USP26: variants seen among roughly 807,000 people sequenced by gnomAD.
USP26 encodes ubiquitin specific peptidase 26.
For missense variants in USP26, 649 were observed against 642.3 expected (o/e 1.01, Z -0.11); for synonymous variants, 236 against 240.6 (o/e 0.98, Z 0.18).
intron 5 of USP26, 136 bp downstream of exon 5, chrX:133,083,571 G>A (rs1484182507): frequency 9.0e-6 from 1 of 111,646 alleles, no homozygotes; most frequent in Admixed American, 9.5e-5. Context: ...ACCTTTGATG[G>A]ACAAGGCCTC....
At chrX:133,053,173 T>C (rs1176500046) in intron 5 of USP26, among the ~76,000 whole-genome samples, 1 of 112,044 alleles carries the variant, frequency 8.9e-6, no homozygotes, top group African/African-American at 3.2e-5. Context: ...ATGACATAAG[T>C]ATAATGTTAA....
chrX:133,047,174 C>T (rs1403688355), intron 5 of USP26, among the ~76,000 whole-genome samples: 1 of 111,891 alleles, frequency 8.9e-6, no homozygotes, highest in East Asian at 2.8e-4. Flanking sequence ...GAAGCCGTGA[C>T]CAGCCAAGCA....
At chrX:133,072,347 A>G (rs1397992217) in intron 5 of USP26, among the ~76,000 whole-genome samples, 1 of 112,241 alleles carries the variant, frequency 8.9e-6, no homozygotes, top group African/African-American at 3.2e-5. Flanking sequence ...AATGCACCAG[A>G]TGAGGAAAAG....
At chrX:133,033,658 GT>G (rs2067386033) in intron 5 of USP26, among the ~76,000 whole-genome samples, 1 of 112,158 alleles carries the variant, frequency 8.9e-6, no homozygotes, top group Admixed American at 9.4e-5. Flanking sequence ...GATAAATGAG[GT>G]TTTCTTGAAA....
intron 5 of USP26, among the ~76,000 whole-genome samples, chrX:133,055,904 C>T (rs1441960580): frequency 3.6e-5 from 4 of 111,560 alleles, no homozygotes; most frequent in Admixed American, 2.9e-4. Flanking sequence ...CTTTAATTAC[C>T]TCCTAAAAGC....
At chrX:133,065,620 A>G (rs1316186141) in intron 5 of USP26, among the ~76,000 whole-genome samples, 1 of 112,164 alleles carries the variant, frequency 8.9e-6, no homozygotes, top group Non-Finnish European at 1.9e-5. Context: ...ACCAATGACA[A>G]AAACCACATG....
At chrX:133,059,190 C>T (rs1224349831) in intron 5 of USP26, among the ~76,000 whole-genome samples, 6 of 111,226 alleles carry the variant, frequency 5.4e-5, no homozygotes, top group Non-Finnish European at 1.1e-4. Flanking sequence ...ATCCCCTCTC[C>T]TAGCATATTA....
chrX:133,027,387 C>T lies in USP26; in HGVS notation c.834G>A (p.Lys278=). The T allele has an allele frequency of 8.3e-7, 1 of 1,211,435 alleles. No homozygotes were observed. The highest frequency in any genetic ancestry group is 1.1e-6 in the Non-Finnish European group (1 of 895,297). ...CAAAAAATAGTTTTAATTTATCCCA[C>T]TTTGTGTAACCGTCACTATACCCTT... ...LQQGYSDGYT[K]WDKLKLFFEL... Residue 278 remains lysine, a synonymous_variant, in exon 6 of 6, where the codon AAG becomes AAA. Coordinates refer to ENST00000511190, the MANE Select transcript of USP26 (RefSeq NM_031907.3).
chrX:133,087,998 C>G (rs1349629495), intron 4 of USP26, among the ~76,000 whole-genome samples: 3 of 111,276 alleles, frequency 2.7e-5, no homozygotes, highest in Non-Finnish European at 5.7e-5. Flanking sequence ...AGGGACATCC[C>G]ATTTCAACAA....
chrX:133,096,837 A>G (rs1373804945), intron 1 of USP26, among the ~76,000 whole-genome samples, 193 bp downstream of exon 1: 5 of 111,752 alleles, frequency 4.5e-5, no homozygotes, highest in African/African-American at 1.3e-4. Context: ...GGAGGTTGCA[A>G]TGGGCCGAGA....
In USP26 at chrX:133,086,226, G is replaced by A. The variant is rs763381453; in HGVS notation, c.-141-2455C>T. ...TTGTGCTAAAGTGCTCAGTGAGCTT[G>A]CCATATTTGTGATTGTTTTTGAACT... On this transcript the variant is annotated intron_variant, in intron 4 of 5. Coordinates refer to ENST00000511190, the MANE Select transcript of USP26 (RefSeq NM_031907.3). 2.7e-5 allele frequency among the ~76,000 whole-genome samples: 3 copies of A among 112,308 alleles called. No homozygotes were observed. In the East Asian group the frequency reaches 8.4e-4, roughly 31 times the overall value.
chrX:133,090,633 G>A (rs765473855), intron 3 of USP26, 85 bp downstream of exon 3: 139 of 112,222 alleles, frequency 1.2e-3, no homozygotes, highest in African/African-American at 4.3e-3. Flanking sequence ...GTGAAATCAA[G>A]TTCAGACACA....
At position 133,027,195 on chromosome X, in the gene USP26, C is replaced by G. The variant is rs1056701236; in HGVS notation, c.1026G>C (p.Leu342Phe). ...TATCTTTAAAAAAAAGTAGCCGTGCCAAGCACATGGTAAGAGCATTAAGGG... is the reference window on the plus strand; with the variant it reads ...TATCTTTAAAAAAAAGTAGCCGTGCGAAGCACATGGTAAGAGCATTAAGGG... ...KIPLNALTMC[L>F]ARLLFFKDTY... Residue 342 changes from leucine (L) to phenylalanine (F), a missense_variant, in exon 6 of 6, where the codon TTG (leucine) becomes TTC (phenylalanine). Coordinates refer to ENST00000511190, the MANE Select transcript of USP26 (RefSeq NM_031907.3). 8.3e-7 allele frequency: 1 copy of G among 1,207,681 alleles called. No homozygotes were observed. The highest frequency in any genetic ancestry group is 1.8e-5 in the African/African-American group (1 of 56,859).
At chrX:133,094,923 C>T (rs1186036138) in intron 1 of USP26, among the ~76,000 whole-genome samples, 2 of 109,629 alleles carry the variant, frequency 1.8e-5, no homozygotes, top group Non-Finnish European at 3.8e-5. Context: ...GGTGAAACCC[C>T]GTCTCTACTA....
intron 5 of USP26, among the ~76,000 whole-genome samples, chrX:133,068,533 C>T (rs2067519986): frequency 8.9e-6 from 1 of 112,880 alleles, no homozygotes; most frequent in African/African-American, 3.2e-5. Context: ...AATCAGAAGC[C>T]TCACCCTTCT....
chrX:133,092,442 G>A (rs1356890910), intron 1 of USP26, among the ~76,000 whole-genome samples: 4 of 112,155 alleles, frequency 3.6e-5, no homozygotes, highest in Middle Eastern at 4.6e-3. Context: ...AACACAGTAA[G>A]TTAGAAAAAC....
intron 5 of USP26, among the ~76,000 whole-genome samples, chrX:133,074,113 T>C (rs986953830): frequency 1.8e-5 from 2 of 111,644 alleles, no homozygotes; most frequent in Admixed American, 9.5e-5. Flanking sequence ...ACAATCTGGG[T>C]GGCCTTTATC....
chrX:133,051,070 A>C (rs2067457296), intron 5 of USP26, among the ~76,000 whole-genome samples: 1 of 111,567 alleles, frequency 9.0e-6, no homozygotes, highest in African/African-American at 3.3e-5. Context: ...TCCGTTTGGC[A>C]GGTACTAGAG....
At chrX:133,063,357 C>A (rs1040975803) in intron 5 of USP26, among the ~76,000 whole-genome samples, 12 of 111,076 alleles carry the variant, frequency 1.1e-4, no homozygotes, top group African/African-American at 3.0e-4. Flanking sequence ...GGCCAACGTT[C>A]AAATTCAGGA....
Sources: gnomAD v4.1 joint callset for allele counts (sites outside exome capture counted in the v4.1 genomes callset) on GRCh38, gnomAD v4.1.1 for gene constraint, MANE v1.5 for transcripts, NCBI Gene and HGNC (gene_info 2026-07-23, HGNC 2026-07-21) for gene names.